The following AHNAK variants were observed in gnomAD, a reference collection of about 807,000 sequenced individuals.
AHNAK encodes the protein AHNAK nucleoprotein, also known as neuroblast differentiation-associated protein AHNAK.
Under a neutral mutation model 37.8 loss-of-function variants are expected in AHNAK, and 23 were observed. The ratio of observed to expected loss-of-function variants is 0.61; its 90% CI spans 0.44 to 0.86. AHNAK has a LOEUF of 0.86. AHNAK is among the 40% of genes least tolerant of loss of function. The pLI is 0.00. For synonymous variants in AHNAK, 2,481 were observed against 2,636.3 expected (o/e 0.94, Z 1.80); for missense variants, 7,411 against 7,319.4 (o/e 1.01, Z -0.46).
At position 62,532,024 on chromosome 11, in the gene AHNAK, T is replaced by C. The variant is rs755718093; in HGVS notation, c.2393A>G (p.Glu798Gly). ...AAACTTGGGCCCTTTCAATTTCCCT[T>C]CTGGTTCCTCAATGCTCACATCAGG... ...TAPDVSIEEPEGKLKGPKFKM... is the reference protein window; with the variant it reads ...TAPDVSIEEPGGKLKGPKFKM... Residue 798 changes from glutamate to glycine, a missense_variant, in exon 5 of 5, where the codon GAA (glutamate) becomes GGA (glycine). By Grantham distance (98) the Glu-to-Gly change is moderately conservative (BLOSUM62 -2). Coordinates refer to ENST00000378024, the MANE Select transcript of AHNAK (RefSeq NM_001620.3). 83 of 1,613,156 alleles carry C rather than the reference T, an allele frequency of 5.1e-5. No individual in the cohort carries two copies. Among genetic ancestry groups the C allele is most frequent in the Non-Finnish European group, 6.7e-5 (79 of 1,179,850 alleles).
intron 5 of AHNAK, among the ~76,000 whole-genome samples, chr11:62,448,835 C>T (rs778325760): frequency 6.6e-6 from 1 of 152,076 alleles, no homozygotes; most frequent in Non-Finnish European, 1.5e-5. Flanking sequence ...TTTGGGAGGC[C>T]GAGGTGGGCG....
At position 62,443,275 on chromosome 11, in the gene AHNAK, CT is replaced by C. The variant is rs530619642; in HGVS notation, c.443-9385del. ...ACAGGTGTGAGCCACTGCACCCGGCCTTTTTTTTTTTTTTGAGACAGAGTTT... is the reference window on the plus strand; with the variant it reads ...ACAGGTGTGAGCCACTGCACCCGGCCTTTTTTTTTTTTTGAGACAGAGTTT... On this transcript the variant is annotated intron_variant, in intron 5 of 5. Coordinates refer to the AHNAK transcript ENST00000257247. 1.2e-3 allele frequency among the ~76,000 whole-genome samples: 121 copies of C among 99,728 alleles called. 3 individuals carry two copies. The highest frequency in any genetic ancestry group is 1.1e-3 in the Non-Finnish European group (59 of 51,946). 65.4% of individuals were successfully genotyped at this position (99,728 alleles called of 152,430 possible). A position where few individuals can be genotyped will look rare whatever the true frequency, so the allele number is the denominator to read the frequency against.
intron 5 of AHNAK, among the ~76,000 whole-genome samples, chr11:62,490,283 C>A (rs991917541): frequency 6.1e-5 from 9 of 148,108 alleles, no homozygotes; most frequent in Non-Finnish European, 1.2e-4. Context: ...CTCACTGCAA[C>A]CTCCGCCTCC....
Position 62,533,672 on chromosome 11 carries a change from G to T in AHNAK, c.745C>A (p.Pro249Thr). The T allele has an allele frequency of 6.2e-7, 1 of 1,614,042 alleles. No individual in the cohort carries two copies. The highest frequency in any genetic ancestry group is 1.3e-5 in the African/African-American group (1 of 74,978). The change falls in exon 5 of 5, where the codon CCT becomes ACT. Residue 249 changes from proline (P) to threonine (T), a missense_variant. Physicochemically the swap from Pro to Thr is conservative, Grantham distance 38. Coordinates refer to ENST00000378024, the MANE Select transcript of AHNAK (RefSeq NM_001620.3). ...AGHSKLQVTM[P>T]GIKVGGSGVN... is the part of the protein sequence containing the mutation. ...CCTGAGCCTCCCACCTTTATCCCAG[G>T]CATGGTGACCTGGAGCTTCGAGTGG...
At chr11:62,512,527 C>G (rs551875408), downstream of AHNAK, among the ~76,000 whole-genome samples, 11 of 152,288 alleles carry the variant, frequency 7.2e-5, no homozygotes, top group South Asian at 1.5e-3. This position sits in a 1 kb window ranked among gnomAD's most constrained non-coding sequence, Gnocchi z 4.0. Context: ...TTTATTAGGT[C>G]TCTCTGATTG....
At chr11:62,436,763 A>C (rs3017105) in intron 5 of AHNAK, among the ~76,000 whole-genome samples, 92,586 of 151,452 alleles carry the variant, frequency 0.61, 28,685 homozygotes, top group South Asian at 0.71. Flanking sequence ...GGTGAAACCC[A>C]GTCTCTACCA....
chr11:62,500,351 C>T (rs756730347), intron 4 of AHNAK, among the ~76,000 whole-genome samples: 29 of 152,288 alleles, frequency 1.9e-4, no homozygotes, highest in Non-Finnish European at 3.5e-4. Context: ...TATAAAGGTA[C>T]CTGGCTGCCC....
chr11:62,471,576 G>A (rs1242592769), intron 5 of AHNAK, among the ~76,000 whole-genome samples: 2 of 152,262 alleles, frequency 1.3e-5, no homozygotes, highest in East Asian at 3.8e-4. Flanking sequence ...GTGGCATCAT[G>A]TCAGCACTCA....
intron 5 of AHNAK, among the ~76,000 whole-genome samples, chr11:62,439,172 C>A (rs780932282): frequency 6.8e-6 from 1 of 148,108 alleles, no homozygotes; most frequent in Non-Finnish European, 1.5e-5. Context: ...CCGCTCACTG[C>A]AAGCTCTGAC....
At chr11:62,436,655 G>C (rs535559986) in intron 5 of AHNAK, among the ~76,000 whole-genome samples, 1 of 147,918 alleles carries the variant, frequency 6.8e-6, no homozygotes, top group African/African-American at 2.5e-5. Flanking sequence ...AAAAAGTATA[G>C]GCCGGGCGCA....
intron 5 of AHNAK, among the ~76,000 whole-genome samples, chr11:62,461,001 T>TTTC (rs1284729336): frequency 6.8e-6 from 1 of 147,900 alleles, no homozygotes; most frequent in African/African-American, 2.5e-5. Context: ...TTTTTTTTTT[T>TTTC]TTTTTTTTGT....
intron 4 of AHNAK, among the ~76,000 whole-genome samples, chr11:62,503,506 C>T (rs1939751069): frequency 1.3e-5 from 2 of 151,474 alleles, no homozygotes; most frequent in Admixed American, 1.3e-4. Flanking sequence ...TCACCTGAAC[C>T]CAGGAGGCAG....
rs1319212184 is a variant in AHNAK, at chr11:62,532,194, A to G, written c.2223T>C (p.His741=). The change falls in exon 5 of 5, where the codon CAT becomes CAC. Residue 741 remains histidine, a synonymous_variant. Transcript: ENST00000378024. ...GCATCTTCAAGTGCCAGTCTGGGCC[A>G]TGAACATCCACATCTGGGGCATCAA... ...VDIDAPDVDV[H]GPDWHLKMPK... The G allele has an allele frequency of 5.0e-6, 8 of 1,613,814 alleles. No individual in the cohort carries two copies. Among genetic ancestry groups the G allele is most frequent in the South Asian group, 2.2e-5 (2 of 91,056 alleles).
rs375720459 is a variant in AHNAK, at chr11:62,527,003, C to T, written c.7414G>A (p.Asp2472Asn). The T allele has an allele frequency of 3.1e-6, 5 of 1,613,836 alleles. No individual in the cohort carries two copies. In the African/African-American group the frequency reaches 6.7e-5, roughly 22 times the overall value. ...CCTTCTACCTCAGGCACAGACACAT[C>T]CACATCCCCCTTGATTTTGGGTCCT... is the stretch of plus-strand genomic sequence containing the variant. Reference protein sequence around the residue: ...LKGPKIKGDVDVSVPEVEGKL... With the variant: ...LKGPKIKGDVNVSVPEVEGKL... The change falls in exon 5 of 5, where the codon GAT becomes AAT. Residue 2472 changes from aspartate to asparagine, a missense_variant. Coordinates refer to ENST00000378024, the MANE Select transcript of AHNAK (RefSeq NM_001620.3).
At chr11:62,507,877 T>C (rs557960739) in intron 4 of AHNAK, among the ~76,000 whole-genome samples, 4 of 152,344 alleles carry the variant, frequency 2.6e-5, no homozygotes, top group African/African-American at 9.6e-5. Flanking sequence ...ATAACTGATA[T>C]TATTATTATT....
intron 5 of AHNAK, among the ~76,000 whole-genome samples, chr11:62,437,112 C>T (rs1938188892): frequency 6.6e-6 from 1 of 152,104 alleles, no homozygotes; most frequent in South Asian, 2.1e-4. Context: ...ATCCATATCC[C>T]CACCAGACAG....
intron 5 of AHNAK, among the ~76,000 whole-genome samples, chr11:62,443,654 A>G (rs1938361999): frequency 6.6e-6 from 1 of 152,038 alleles, no homozygotes; most frequent in Admixed American, 6.6e-5. Flanking sequence ...CTCACCTGCC[A>G]CTGCCATAGC....
chr11:62,543,272 T>C (rs946583883), intron 1 of AHNAK, among the ~76,000 whole-genome samples: 4 of 152,008 alleles, frequency 2.6e-5, no homozygotes, highest in Non-Finnish European at 4.4e-5. Context: ...CTACAACCCC[T>C]ACGGGCCCGC....
chr11:62,479,465 C>T (rs1181419558), intron 5 of AHNAK, among the ~76,000 whole-genome samples: 1 of 50,962 alleles, frequency 2.0e-5, no homozygotes, highest in Non-Finnish European at 1.5e-4. Context: ...CCCTGCCCAG[C>T]CCCTTTTTTT....
Sources: allele counts gnomAD v4.1 joint callset (sites outside exome capture counted in the v4.1 genomes callset), GRCh38; gene constraint gnomAD v4.1.1; non-coding constraint Gnocchi (gnomAD v3.1); transcripts MANE v1.5; gene names NCBI Gene and HGNC (gene_info 2026-07-23, HGNC 2026-07-21).